The following NRXN1 variants were observed in gnomAD, a reference collection of about 807,000 sequenced individuals.
The protein encoded by NRXN1 is neurexin-1.
Under a neutral mutation model 150.9 loss-of-function variants are expected in NRXN1, and 39 were observed. The ratio of observed to expected loss-of-function variants is 0.26; its 90% CI spans 0.20 to 0.34. The LOEUF (loss-of-function observed/expected upper bound fraction) is 0.34, where lower values mean the gene tolerates loss of function less well. NRXN1 is among the 10% of genes least tolerant of loss of function. The pLI, the probability that NRXN1 is intolerant of heterozygous loss-of-function variation, is 1.00. For synonymous variants in NRXN1, 924 were observed against 757.0 expected (o/e 1.22, Z -3.62); for missense variants, 1,815 against 1,949.9 (o/e 0.93, Z 1.30).
At chr2:50,449,474 A>T (rs1330555021) in intron 17 of NRXN1, among the ~76,000 whole-genome samples, 7 of 152,060 alleles carry the variant, frequency 4.6e-5, no homozygotes, top group African/African-American at 1.4e-4. Context: ...TGCTTCTTAC[A>T]CTTCCATGTG....
At chr2:50,949,591 C>T (rs987693263) in intron 2 of NRXN1, among the ~76,000 whole-genome samples, 1 of 152,032 alleles carries the variant, frequency 6.6e-6, no homozygotes, top group Non-Finnish European at 1.5e-5. Flanking sequence ...AGACATCCTG[C>T]AAAGTTTTCC....
intron 21 of NRXN1, among the ~76,000 whole-genome samples, chr2:49,992,405 A>AAAC (rs1284405871): frequency 5.4e-5 from 2 of 37,356 alleles, no homozygotes; most frequent in Non-Finnish European, 1.8e-4. Flanking sequence ...AACACCCCAA[A>AAAC]AACAAACAAA....
intron 5 of NRXN1, among the ~76,000 whole-genome samples, chr2:50,750,477 A>G (rs1700474649): frequency 6.6e-6 from 1 of 152,020 alleles, no homozygotes; most frequent in Non-Finnish European, 1.5e-5. Flanking sequence ...AAAACCAAAG[A>G]AAGAACCTAA....
At chr2:50,635,835 A>G (rs1040161549) in intron 5 of NRXN1, among the ~76,000 whole-genome samples, 5 of 152,126 alleles carry the variant, frequency 3.3e-5, no homozygotes, top group Non-Finnish European at 5.9e-5. Flanking sequence ...AATGCTGAGG[A>G]AGGTTAACTG....
chr2:50,044,656 G>C (rs535361822), intron 21 of NRXN1, among the ~76,000 whole-genome samples: 2 of 152,196 alleles, frequency 1.3e-5, no homozygotes, highest in African/African-American at 4.8e-5. Flanking sequence ...ATGTACAAAA[G>C]CTTTGCTATT....
At chr2:50,688,697 T>C (rs1691621854) in intron 5 of NRXN1, among the ~76,000 whole-genome samples, 1 of 152,184 alleles carries the variant, frequency 6.6e-6, no homozygotes, top group Admixed American at 6.5e-5. Context: ...TTTTTTGTTG[T>C]TGTTTTTGTT....
At chr2:50,210,775 T>G (rs1325207570) in intron 18 of NRXN1, among the ~76,000 whole-genome samples, 1 of 151,590 alleles carries the variant, frequency 6.6e-6, no homozygotes, top group African/African-American at 2.4e-5. Context: ...TGAAATTGAA[T>G]AAAGCACAAT....
chr2:50,218,490 CTTTT>C (rs34919769), intron 18 of NRXN1, among the ~76,000 whole-genome samples: 9 of 136,756 alleles, frequency 6.6e-5, no homozygotes, highest in Non-Finnish European at 1.1e-4. Flanking sequence ...TTAGCACCTT[CTTTT>C]TTTTTTTTTT....
chr2:50,264,768 C>T (rs1195079967), intron 17 of NRXN1, among the ~76,000 whole-genome samples: 1 of 151,954 alleles, frequency 6.6e-6, no homozygotes, highest in Non-Finnish European at 1.5e-5. Context: ...ATTGTGGAAA[C>T]ATTTCAGTAA....
chr2:49,987,984 T>C (rs1282333104), intron 21 of NRXN1, among the ~76,000 whole-genome samples: 1 of 152,110 alleles, frequency 6.6e-6, no homozygotes, highest in Non-Finnish European at 1.5e-5. Flanking sequence ...TAGTTTCCTA[T>C]GTCTATGAGT....
At chr2:50,350,300 T>C (rs1035014276) in intron 17 of NRXN1, among the ~76,000 whole-genome samples, 3 of 152,196 alleles carry the variant, frequency 2.0e-5, no homozygotes, top group Non-Finnish European at 2.9e-5. Context: ...ACATCACATC[T>C]TTCTTGCATT....
intron 18 of NRXN1, among the ~76,000 whole-genome samples, chr2:50,168,293 T>C (rs1000803479): frequency 6.6e-6 from 1 of 152,154 alleles, no homozygotes; most frequent in Non-Finnish European, 1.5e-5. Context: ...CAGTAGCATA[T>C]TTTAGCAATA....
At position 50,233,546 on chromosome 2, in the gene NRXN1, CTT is replaced by C. The variant is rs1163501800; in HGVS notation, c.3546+3241_3546+3242del. Among the ~76,000 whole-genome samples, 15 of 152,136 alleles carry C rather than the reference CTT, an allele frequency of 9.9e-5. No individual in the cohort carries two copies. The East Asian group carries it at 2.9e-3, about 30-fold the overall frequency. ...ATATTTCAGCAATGATGGAGCATCT[CTT>C]AATGCAATCAACTTTCTAATTTATT... On this transcript the variant is annotated intron_variant, in intron 18 of 22. Coordinates refer to ENST00000401669, the MANE Select transcript of NRXN1 (RefSeq NM_001330078.2).
At position 49,919,515 on chromosome 2, in the gene NRXN1, T is replaced by A. The variant is rs984385725; in HGVS notation, c.*2429A>T. 1 of 151,698 alleles carries A rather than the reference T, an allele frequency of 6.6e-6. No homozygotes were observed. The highest frequency in any genetic ancestry group is 1.5e-5 in the Non-Finnish European group (1 of 67,882). The allele number at this position is 151,698 out of a possible 1,614,324, so 9.4% of individuals were successfully genotyped here. A position where few individuals can be genotyped will look rare whatever the true frequency, so the allele number is the denominator to read the frequency against. On this transcript the variant is annotated 3_prime_UTR_variant, in exon 23 of 23. Transcript: ENST00000401669. ...TATTATATTTTAGAATCTTTCCAGA[T>A]GGAAACTGGTTCAAGCTTAATAGAT...
At chr2:50,851,030 G>T (rs1674444320) in intron 5 of NRXN1, among the ~76,000 whole-genome samples, 1 of 151,942 alleles carries the variant, frequency 6.6e-6, no homozygotes, top group Non-Finnish European at 1.5e-5. Context: ...CTAATTCCTA[G>T]GGTTCAAAAT....
chr2:50,111,547 G>A (rs1283569445), intron 18 of NRXN1, among the ~76,000 whole-genome samples: 1 of 151,962 alleles, frequency 6.6e-6, no homozygotes, highest in Non-Finnish European at 1.5e-5. Context: ...ACTGAAGCAG[G>A]AGAATAGCTA....
intron 5 of NRXN1, among the ~76,000 whole-genome samples, chr2:50,861,626 A>C (rs745664187): frequency 3.3e-5 from 5 of 152,068 alleles, no homozygotes; most frequent in Non-Finnish European, 5.9e-5. Flanking sequence ...TCCCACAGTC[A>C]AACTCTTTTG....
intron 5 of NRXN1, chr2:50,912,813 C>T (rs1684714493): frequency 1.3e-5 from 2 of 151,174 alleles, no homozygotes; most frequent in Non-Finnish European, 3.0e-5. Context: ...AAACTGGAAC[C>T]TAGCCTAATA....
At chr2:50,280,650 G>A (rs572427415) in intron 17 of NRXN1, among the ~76,000 whole-genome samples, 1 of 152,264 alleles carries the variant, frequency 6.6e-6, no homozygotes, top group South Asian at 2.1e-4. Flanking sequence ...CACATCATAG[G>A]TAGTTAAGTG....
Sources: allele counts gnomAD v4.1 joint callset (sites outside exome capture counted in the v4.1 genomes callset), GRCh38; gene constraint gnomAD v4.1.1; transcripts MANE v1.5; gene names NCBI Gene and HGNC (gene_info 2026-07-23, HGNC 2026-07-21).